Variants in COX20 observed in about 807,000 individuals in gnomAD.
COX20 encodes cytochrome c oxidase assembly protein COX20, mitochondrial.
Under a neutral mutation model 14.3 loss-of-function variants are expected in COX20, and 14 were observed. The observed-to-expected ratio is 0.98, with a 90% confidence interval of 0.65 to 1.53. The LOEUF (loss-of-function observed/expected upper bound fraction) is 1.53. Ranked by LOEUF, COX20 falls within the 40% of genes most tolerant of loss-of-function variation. The pLI is 0.00. For synonymous variants in COX20, 56 were observed against 51.7 expected (o/e 1.08, Z -0.36); for missense variants, 149 against 142.1 (o/e 1.05, Z -0.25).
upstream of COX20, chr1:244,835,468 C>T (rs1679932038): frequency 7.9e-6 from 3 of 382,090 alleles, no homozygotes; most frequent in East Asian, 3.8e-5. Context: ...GCTCTCCCGC[C>T]CCTGCAGGCT....
In COX20 at chr1:244,839,113, A is replaced by G. The variant is rs553210605; in HGVS notation, c.43-2831A>G. ...AAGAGGGCTGATAGTAAATTATTGC[A>G]AGTGAAAAAACTAACGATGCAAATG... On this transcript the variant is annotated intron_variant, in intron 1 of 3. Transcript: ENST00000411948. 5.3e-5 allele frequency among the ~76,000 whole-genome samples: 8 copies of G among 151,640 alleles called. No homozygotes were observed. In the South Asian group the frequency reaches 1.7e-3, roughly 32 times the overall value.
intron 1 of COX20, chr1:244,836,570 AG>A: frequency 2.0e-6 from 3 of 1,466,786 alleles, no homozygotes; most frequent in South Asian, 1.2e-5. Flanking sequence ...TATTAAGAGC[AG>A]GGAACCTAAT....
intron 1 of COX20, among the ~76,000 whole-genome samples, chr1:244,839,174 G>A (rs1275206512): frequency 7.9e-5 from 12 of 151,572 alleles, no homozygotes; most frequent in Admixed American, 2.6e-4. Context: ...CCTTGAGTAT[G>A]CAAGAGGGGA....
At chr1:244,838,926 A>C (rs565589556) in intron 1 of COX20, among the ~76,000 whole-genome samples, 1 of 152,044 alleles carries the variant, frequency 6.6e-6, no homozygotes, top group Non-Finnish European at 1.5e-5. Flanking sequence ...AGTAGCTGGG[A>C]TTACAGGCAT....
Position 244,843,988 on chromosome 1 carries a change from T to C in COX20, c.*812T>C, listed in dbSNP as rs2102977820. ...TCTAGGAAAATGAAGTTATTTCTGG[T>C]TTTAATTCATACAATACTTTAAGAA... is the stretch of plus-strand genomic sequence containing the variant. On this transcript the variant is annotated 3_prime_UTR_variant, in exon 4 of 4. Transcript: ENST00000411948. 6.6e-6 allele frequency: 1 copy of C among 152,298 alleles called. No individual in the cohort carries two copies. Among genetic ancestry groups the C allele is most frequent in the African/African-American group, 2.4e-5 (1 of 41,558 alleles). The allele number at this position is 152,298 out of a possible 1,614,324, so 9.4% of individuals were successfully genotyped here. A position where few individuals can be genotyped will look rare whatever the true frequency, so the allele number is the denominator to read the frequency against.
At chr1:244,837,987 GAT>G (rs1680049319) in intron 1 of COX20, among the ~76,000 whole-genome samples, 1 of 152,134 alleles carries the variant, frequency 6.6e-6, no homozygotes, top group Non-Finnish European at 1.5e-5. Flanking sequence ...ACTGTTGATA[GAT>G]GGTAATTTGA....
Position 244,843,145 on chromosome 1 carries a change from A to T in COX20, c.326A>T (p.Glu109Val). Reference protein sequence around the residue: ...ILYEGTHLDPERKHNGSSSN With the variant: ...ILYEGTHLDPVRKHNGSSSN The stretch of plus-strand genomic sequence containing the variant: ...TATGAAGGTACCCACCTCGATCCTG[A>T]AAGAAAACACAACGGCAGCAGCAGC... Residue 109 changes from glutamate to valine, a missense_variant, in exon 4 of 4, where the codon GAA (glutamate) becomes GTA (valine). By Grantham distance (121) the Glu-to-Val change is moderately radical (BLOSUM62 -2). Transcript: ENST00000411948. 1 of 1,593,770 alleles carries T rather than the reference A, an allele frequency of 6.3e-7. No homozygotes were observed. Among genetic ancestry groups the T allele is most frequent in the Non-Finnish European group, 8.5e-7 (1 of 1,174,530 alleles).
At chr1:244,840,405 A>C (rs967454893) in intron 1 of COX20, 2 of 152,250 alleles carry the variant, frequency 1.3e-5, no homozygotes, top group Non-Finnish European at 2.9e-5. Context: ...TCTAGTTTAG[A>C]GGTAGTCCTG....
chr1:244,842,435 T>C (rs1680245507), intron 3 of COX20, 177 bp downstream of exon 3: 1 of 580,836 alleles, frequency 1.7e-6, no homozygotes, highest in Non-Finnish European at 3.1e-6. Flanking sequence ...TAAATGCATA[T>C]TAGACATCCC....
At chr1:244,836,420 G>A in intron 1 of COX20, 3 of 1,404,004 alleles carry the variant, frequency 2.1e-6, no homozygotes, top group Non-Finnish European at 3.0e-6. Context: ...TAAACCAAGC[G>A]CTCTCCCTGG....
intron 1 of COX20, chr1:244,839,658 G>A (rs1044942137): frequency 2.0e-5 from 3 of 152,146 alleles, no homozygotes; most frequent in African/African-American, 7.2e-5. Flanking sequence ...AACTGTAAAG[G>A]TATACAGGCT....
At chr1:244,835,349 T>C (rs1679924180), upstream of COX20, 1 of 212,824 alleles carries the variant, frequency 4.7e-6, no homozygotes, top group African/African-American at 2.3e-5. Flanking sequence ...AAATGGCGGT[T>C]GGGGCGGAGC....
intron 1 of COX20, among the ~76,000 whole-genome samples, chr1:244,836,980 C>A (rs1006447992): frequency 4.6e-5 from 7 of 151,296 alleles, no homozygotes; most frequent in Non-Finnish European, 1.0e-4. Context: ...AAAAAAAGAT[C>A]TTTGCATACA....
chr1:244,838,404 C>T (rs555408173), intron 1 of COX20, among the ~76,000 whole-genome samples: 2 of 152,212 alleles, frequency 1.3e-5, no homozygotes, highest in East Asian at 3.9e-4. Context: ...TAATTGAAAG[C>T]CTTGGGATAC....
At chr1:244,837,581 G>A (rs956181622) in intron 1 of COX20, among the ~76,000 whole-genome samples, 6 of 152,092 alleles carry the variant, frequency 3.9e-5, no homozygotes, top group African/African-American at 1.2e-4. Context: ...TTCACATTCA[G>A]GTAAATTCTT....
chr1:244,841,473 T>C (rs1680197758), intron 1 of COX20: 1 of 156,124 alleles, frequency 6.4e-6, no homozygotes, highest in African/African-American at 2.4e-5. Flanking sequence ...ACCTAGTTAA[T>C]AAAATATGAA....
At chr1:244,841,827 A>G (rs1680211677) in intron 1 of COX20, 117 bp from the exon 2 acceptor site, 1 of 635,088 alleles carries the variant, frequency 1.6e-6, no homozygotes, top group Non-Finnish European at 2.8e-6. Flanking sequence ...CACGTGGCAC[A>G]TACTCTAGTT....
At chr1:244,839,673 T>A (rs1459542791) in intron 1 of COX20, 1 of 152,340 alleles carries the variant, frequency 6.6e-6, no homozygotes, top group South Asian at 2.1e-4. Flanking sequence ...CAGGCTCAAG[T>A]CGTTGCATAT....
In COX20 at chr1:244,835,673, A is replaced by G; in HGVS notation, c.-42A>G. ...GGCCAGCCGGGCTTCTGCTTCCGCG[A>G]CCCCGGCGGTGCAGGGCGGGTGGAG... On this transcript the variant is annotated 5_prime_UTR_variant, in exon 1 of 4. Coordinates refer to ENST00000411948, the MANE Select transcript of COX20 (RefSeq NM_198076.6). 8.1e-7 allele frequency: 1 copy of G among 1,230,920 alleles called. No individual in the cohort carries two copies. The highest frequency in any genetic ancestry group is 1.0e-6 in the Non-Finnish European group (1 of 986,112). 76.2% of individuals were successfully genotyped at this position (1,230,920 alleles called of 1,614,324 possible). A position where few individuals can be genotyped will look rare whatever the true frequency, so the allele number is the denominator to read the frequency against.
Sources: gnomAD v4.1 joint callset for allele counts (sites outside exome capture counted in the v4.1 genomes callset) on GRCh38, gnomAD v4.1.1 for gene constraint, MANE v1.5 for transcripts, NCBI Gene and HGNC (gene_info 2026-07-23, HGNC 2026-07-21) for gene names.